Variants in HDAC9 observed in about 807,000 individuals in gnomAD.
HDAC9 encodes MEF-2 interacting transcription repressor (MITR) protein.
A neutral mutation model predicts 139.4 loss-of-function variants in HDAC9; 41 were observed. That is an observed-to-expected ratio of 0.29 (90% CI 0.23 to 0.38). The LOEUF (loss-of-function observed/expected upper bound fraction) is 0.38. HDAC9 is among the 10% of genes least tolerant of loss of function. The pLI, the probability that HDAC9 is intolerant of heterozygous loss-of-function variation, is 1.00. For missense variants in HDAC9, 1,147 were observed against 1,297.0 expected (o/e 0.88, Z 1.78); for synonymous variants, 517 against 476.2 (o/e 1.09, Z -1.12).
chr7:18,326,969 C>T (rs1466331811), intron 1 of HDAC9, among the ~76,000 whole-genome samples: 2 of 151,700 alleles, frequency 1.3e-5, no homozygotes, highest in African/African-American at 4.8e-5. Context: ...TTTTGGATGC[C>T]TCATTACATC....
At chr7:18,424,801 G>A (rs571347955) in intron 1 of HDAC9, among the ~76,000 whole-genome samples, 1 of 152,274 alleles carries the variant, frequency 6.6e-6, no homozygotes, top group East Asian at 1.9e-4. Flanking sequence ...TACTCTGGAG[G>A]CTGAGGGAGG....
At position 18,916,022 on chromosome 7, in the gene HDAC9, G is replaced by GAAAAAAAAAAAAA. The variant is rs55866735; in HGVS notation, c.2804-19783_2804-19771dup. On this transcript the variant is annotated intron_variant, in intron 22 of 25. Coordinates refer to ENST00000686413, the MANE Select transcript of HDAC9 (RefSeq NM_178425.4). ...CAGACCCTCCTCTCACCCCCCGCTG[G>GAAAAAAAAAAAAA]AAAAAAAAAAAAAAAACAGAAAAAG... 1.1e-4 allele frequency among the ~76,000 whole-genome samples: 15 copies of GAAAAAAAAAAAAA among 138,122 alleles called. 1 individual carries two copies. Among genetic ancestry groups the GAAAAAAAAAAAAA allele is most frequent in the African/African-American group, 3.4e-4 (13 of 37,842 alleles). 90.6% of individuals were successfully genotyped at this position (138,122 alleles called of 152,430 possible). A position where few individuals can be genotyped will look rare whatever the true frequency, so the allele number is the denominator to read the frequency against.
At chr7:18,712,091 G>A (rs920020836) in intron 12 of HDAC9, among the ~76,000 whole-genome samples, 2 of 152,132 alleles carry the variant, frequency 1.3e-5, no homozygotes, top group African/African-American at 2.4e-5. Flanking sequence ...GGCTCATCAG[G>A]TTTGCCCATA....
intron 2 of HDAC9, chr7:18,506,138 A>C (rs1305503177): frequency 6.6e-6 from 1 of 152,218 alleles, no homozygotes; most frequent in Non-Finnish European, 1.5e-5. Flanking sequence ...CCTGCTGCCA[A>C]AATAGCATGA....
intron 1 of HDAC9, among the ~76,000 whole-genome samples, chr7:18,401,120 C>G (rs1355103877): frequency 6.6e-6 from 1 of 152,074 alleles, no homozygotes; most frequent in Non-Finnish European, 1.5e-5. Flanking sequence ...CATGGCATGT[C>G]AAAGGTTTTC....
chr7:18,797,021 A>G (rs1216037391), intron 17 of HDAC9, among the ~76,000 whole-genome samples: 1 of 152,176 alleles, frequency 6.6e-6, no homozygotes, highest in East Asian at 1.9e-4. Flanking sequence ...TATGAGTTTG[A>G]GTGTGTATTA....
At chr7:18,980,732 TCTTCTTCTTCTTC>T (rs1285901467) in intron 25 of HDAC9, among the ~76,000 whole-genome samples, 43 of 136,322 alleles carry the variant, frequency 3.2e-4, no homozygotes, top group South Asian at 1.9e-3. Flanking sequence ...TCTTCCTTCT[TCTTCTTCTTCTTC>T]CTTCTTCTTC....
intron 1 of HDAC9, among the ~76,000 whole-genome samples, chr7:18,481,986 C>G (rs1795589441): frequency 6.6e-6 from 1 of 152,004 alleles, no homozygotes. Flanking sequence ...CTTTATGTGC[C>G]AAGTCTTCAC....
chr7:18,908,687 T>A (rs1165219616), intron 22 of HDAC9, among the ~76,000 whole-genome samples: 2 of 152,074 alleles, frequency 1.3e-5, no homozygotes, highest in Non-Finnish European at 2.9e-5. Flanking sequence ...AACATAATGT[T>A]CTCTTGGCTC....
intron 2 of HDAC9, among the ~76,000 whole-genome samples, chr7:18,216,705 A>T (rs941486243): frequency 6.6e-6 from 1 of 152,114 alleles, no homozygotes; most frequent in South Asian, 2.1e-4. Context: ...GACATGTTTT[A>T]TTATTATTTA....
At chr7:18,431,339 C>G (rs1029116207) in intron 1 of HDAC9, among the ~76,000 whole-genome samples, 2 of 152,138 alleles carry the variant, frequency 1.3e-5, no homozygotes, top group African/African-American at 4.8e-5. Context: ...TGAATCACTC[C>G]TCTCAGATAC....
intron 12 of HDAC9, among the ~76,000 whole-genome samples, chr7:18,679,306 A>G (rs543614771): frequency 6.6e-6 from 1 of 152,100 alleles, no homozygotes; most frequent in East Asian, 1.9e-4. Flanking sequence ...GCCTATACAT[A>G]TACAGACAAA....
chr7:18,158,012 C>A (rs1787350513), intron 1 of HDAC9, among the ~76,000 whole-genome samples: 1 of 152,116 alleles, frequency 6.6e-6, no homozygotes, highest in Non-Finnish European at 1.5e-5. Flanking sequence ...GAAGGACCTG[C>A]AGATAAGTGT....
chr7:18,754,265 G>A (rs1409239361), intron 14 of HDAC9, among the ~76,000 whole-genome samples: 1 of 151,970 alleles, frequency 6.6e-6, no homozygotes, highest in African/African-American at 2.4e-5. Context: ...GGATCTGGAG[G>A]GGTTATTTGG....
intron 12 of HDAC9, among the ~76,000 whole-genome samples, chr7:18,723,635 T>C (rs1785303337): frequency 6.6e-6 from 1 of 152,204 alleles, no homozygotes; most frequent in Non-Finnish European, 1.5e-5. Context: ...GTAACATTTA[T>C]AAAATGCTTT....
chr7:18,310,334 A>G (rs1227372174), intron 1 of HDAC9, among the ~76,000 whole-genome samples: 1 of 152,176 alleles, frequency 6.6e-6, no homozygotes. Flanking sequence ...GGAGGACGAT[A>G]TACCATGGCC....
chr7:18,751,063 T>C (rs1188070377), intron 14 of HDAC9, among the ~76,000 whole-genome samples: 1 of 152,200 alleles, frequency 6.6e-6, no homozygotes, highest in Non-Finnish European at 1.5e-5. Context: ...TGGAATTTGA[T>C]ATGATTCACA....
At chr7:18,961,235 G>A (rs1286098489) in intron 24 of HDAC9, among the ~76,000 whole-genome samples, 1 of 152,184 alleles carries the variant, frequency 6.6e-6, no homozygotes, top group Non-Finnish European at 1.5e-5. Flanking sequence ...CAGGGAAGAA[G>A]CATGATAAAG....
At chr7:18,196,118 A>G (rs1010693598) in intron 2 of HDAC9, among the ~76,000 whole-genome samples, 1 of 152,176 alleles carries the variant, frequency 6.6e-6, no homozygotes, top group Non-Finnish European at 1.5e-5. Context: ...CTTGAGAGTA[A>G]TACCTCTTTA....
Sources: allele counts gnomAD v4.1 joint callset (sites outside exome capture counted in the v4.1 genomes callset), GRCh38; gene constraint gnomAD v4.1.1; transcripts MANE v1.5; gene names NCBI Gene and HGNC (gene_info 2026-07-23, HGNC 2026-07-21).